ECPAS: variants seen among roughly 807,000 people sequenced by gnomAD.
The protein encoded by ECPAS is proteasome adapter and scaffold protein ECM29.
In ECPAS, 70 loss-of-function variants were observed where a neutral mutation model predicts 255.1. The observed-to-expected ratio is 0.27, with a 90% CI of 0.23 to 0.33. ECPAS has a LOEUF of 0.33. Ranked by LOEUF, ECPAS falls within the 10% of genes least tolerant of loss-of-function variation. The probability of loss-of-function intolerance (pLI) is 1.00; values close to 1 mark genes in which losing one functional copy is unlikely to be tolerated. For missense variants in ECPAS, 1,817 were observed against 2,206.4 expected (o/e 0.82, Z 3.54); for synonymous variants, 784 against 775.0 (o/e 1.01, Z -0.19).
intron 35 of ECPAS, among the ~76,000 whole-genome samples, chr9:111,380,170 TCC>T (rs1253268189): frequency 6.6e-6 from 1 of 152,224 alleles, no homozygotes; most frequent in Non-Finnish European, 1.5e-5. Flanking sequence ...TACACCTTGA[TCC>T]ATGGGCTTCA....
At chr9:111,391,402 AC>A in intron 29 of ECPAS, among the ~76,000 whole-genome samples, 1 of 152,138 alleles carries the variant, frequency 6.6e-6, no homozygotes, top group South Asian at 2.1e-4. Flanking sequence ...ACATAGTGAA[AC>A]CCCGTCTCTA....
At chr9:111,423,056 A>G in intron 13 of ECPAS, 143 bp downstream of exon 13, 1 of 617,346 alleles carries the variant, frequency 1.6e-6, no homozygotes, top group Non-Finnish European at 2.8e-6. Context: ...TTCTACACAG[A>G]AGACATTTCT....
At chr9:111,368,650 G>A (rs1476038969) in intron 46 of ECPAS, among the ~76,000 whole-genome samples, 1 of 152,124 alleles carries the variant, frequency 6.6e-6, no homozygotes, top group African/African-American at 2.4e-5. Context: ...AGGTGATTAG[G>A]GCACAGAGAC....
At chr9:111,389,858 G>T in intron 30 of ECPAS, 126 bp downstream of exon 30, 1 of 1,165,820 alleles carries the variant, frequency 8.6e-7, no homozygotes, top group Non-Finnish European at 1.2e-6. Context: ...CATTTGTGGG[G>T]TTCAGCTTTC....
chr9:111,472,532 G>A (rs1273738066), intron 2 of ECPAS, among the ~76,000 whole-genome samples: 1 of 151,800 alleles, frequency 6.6e-6, no homozygotes, highest in Admixed American at 6.6e-5. Context: ...CAGCTACTCG[G>A]TGGGGCTGAG....
intron 25 of ECPAS, among the ~76,000 whole-genome samples, chr9:111,395,424 G>C (rs890820768): frequency 6.6e-6 from 1 of 152,100 alleles, no homozygotes; most frequent in Non-Finnish European, 1.5e-5. Flanking sequence ...CATAGAACAC[G>C]CATGATCAAA....
At chr9:111,393,756 T>C (rs764217279) in intron 26 of ECPAS, 22 bp from the exon 27 acceptor site, 2 of 1,507,064 alleles carry the variant, frequency 1.3e-6, no homozygotes, top group East Asian at 2.3e-5. Context: ...AAAAAGGCAT[T>C]AGAACACTGA....
At chr9:111,473,076 AC>A (rs748091099) in intron 1 of ECPAS, 76 bp from the exon 2 acceptor site, 1 of 339,076 alleles carries the variant, frequency 2.9e-6, no homozygotes, top group Non-Finnish European at 4.4e-6. Context: ...AAAAATAAGC[AC>A]TTTTCATTTC....
At chr9:111,476,139 C>T (rs971412515) in intron 1 of ECPAS, among the ~76,000 whole-genome samples, 4 of 152,210 alleles carry the variant, frequency 2.6e-5, no homozygotes, top group Non-Finnish European at 5.9e-5. Context: ...ATAGTGCATC[C>T]TTCAAGATTA....
chr9:111,367,513 T>C (rs995578517), intron 46 of ECPAS, among the ~76,000 whole-genome samples: 1 of 152,202 alleles, frequency 6.6e-6, no homozygotes, highest in Non-Finnish European at 1.5e-5. Context: ...TAGCTTTCTC[T>C]ACCTATCAAG....
intron 2 of ECPAS, among the ~76,000 whole-genome samples, chr9:111,470,424 C>A (rs932615269): frequency 6.6e-6 from 1 of 152,092 alleles, no homozygotes; most frequent in African/African-American, 2.4e-5. Context: ...GACTCTCCTG[C>A]CTCAGCCTCC....
intron 2 of ECPAS, among the ~76,000 whole-genome samples, chr9:111,465,986 T>C (rs1288007776): frequency 6.6e-6 from 1 of 151,414 alleles, no homozygotes; most frequent in Non-Finnish European, 1.5e-5. Flanking sequence ...GTGAGCTAGA[T>C]CATGCCTCTG....
At chr9:111,370,407 C>G (rs766586040) in intron 45 of ECPAS, 28 bp downstream of exon 45, 1 of 1,453,410 alleles carries the variant, frequency 6.9e-7, no homozygotes, top group Non-Finnish European at 9.3e-7. Context: ...AAAGTATAAA[C>G]CAGAACTGAG....
intron 36 of ECPAS, 70 bp from the exon 37 acceptor site, chr9:111,376,611 A>G: frequency 8.8e-7 from 1 of 1,140,814 alleles, no homozygotes; most frequent in Non-Finnish European, 1.3e-6. Flanking sequence ...AACACCCATA[A>G]AAGACTTTCA....
intron 36 of ECPAS, among the ~76,000 whole-genome samples, chr9:111,377,037 G>A (rs1184066903): frequency 2.0e-5 from 3 of 152,206 alleles, no homozygotes; most frequent in Admixed American, 6.5e-5. Flanking sequence ...ATACACAAGT[G>A]ACTTGCCTAG....
intron 17 of ECPAS, among the ~76,000 whole-genome samples, chr9:111,416,654 T>A (rs1471762277): frequency 2.6e-5 from 4 of 152,118 alleles, no homozygotes; most frequent in African/African-American, 9.7e-5. Context: ...TCATTAATAA[T>A]CAAAGTAGGA....
At chr9:111,403,191 GAAAAAAA>G (rs34002065) in intron 24 of ECPAS, among the ~76,000 whole-genome samples, 2 of 120,862 alleles carry the variant, frequency 1.7e-5, no homozygotes, top group African/African-American at 6.0e-5. Flanking sequence ...CATCTCTACT[GAAAAAAA>G]AAAAAAAAAA....
chr9:111,386,250 C>T (rs1020296313), intron 32 of ECPAS, 127 bp downstream of exon 32: 5 of 691,106 alleles, frequency 7.2e-6, no homozygotes, highest in Non-Finnish European at 1.3e-5. Context: ...AGGTGTGAGC[C>T]ACCACGCCCG....
At chr9:111,450,666 G>A (rs2098259148) in intron 3 of ECPAS, among the ~76,000 whole-genome samples, 1 of 152,200 alleles carries the variant, frequency 6.6e-6, no homozygotes, top group African/African-American at 2.4e-5. Context: ...AGTGGCTCAT[G>A]CCTGTAATCC....
Sources: gnomAD v4.1 joint callset for allele counts (sites outside exome capture counted in the v4.1 genomes callset) on GRCh38, gnomAD v4.1.1 for gene constraint, MANE v1.5 for transcripts, NCBI Gene and HGNC (gene_info 2026-07-23, HGNC 2026-07-21) for gene names.